C13orf42: variants seen among roughly 807,000 people sequenced by gnomAD.
C13orf42 encodes uncharacterized protein C13orf42.
chr13:51,135,623 A>G (rs1262514074), intron 1 of C13orf42, among the ~76,000 whole-genome samples: 1 of 151,594 alleles, frequency 6.6e-6, no homozygotes, highest in Non-Finnish European at 1.5e-5. Flanking sequence ...ACTGCACTCC[A>G]GCCTGGGCAA....
intron 1 of C13orf42, among the ~76,000 whole-genome samples, chr13:51,109,082 C>T (rs974404679): frequency 2.0e-5 from 3 of 152,232 alleles, no homozygotes; most frequent in African/African-American, 7.2e-5. Flanking sequence ...CCCCTTCTGT[C>T]ATCAGAGGTG....
intron 1 of C13orf42, among the ~76,000 whole-genome samples, chr13:51,134,483 T>C (rs748783017): frequency 1.3e-5 from 2 of 152,232 alleles, no homozygotes; most frequent in Non-Finnish European, 2.9e-5. Flanking sequence ...GTGATCTTCC[T>C]ACAAACTCTA....
chr13:51,116,259 G>A (rs969278476), upstream of C13orf42, among the ~76,000 whole-genome samples: 9 of 152,174 alleles, frequency 5.9e-5, no homozygotes, highest in Non-Finnish European at 1.2e-4. Context: ...TCTGACAATG[G>A]GAGGTAGGGT....
At chr13:51,126,876 A>T (rs981734038) in intron 1 of C13orf42, among the ~76,000 whole-genome samples, 2 of 152,226 alleles carry the variant, frequency 1.3e-5, no homozygotes, top group Non-Finnish European at 2.9e-5. Flanking sequence ...TTAAAAGATG[A>T]GAGAAGGGCC....
upstream of C13orf42, among the ~76,000 whole-genome samples, chr13:51,113,568 G>T (rs201525540): frequency 1.1e-3 from 9 of 7,998 alleles, no homozygotes; most frequent in South Asian, 8.8e-3. Flanking sequence ...AGTGTATTTT[G>T]TGTGTGTGTG....
At chr13:51,124,083 G>A (rs896995054) in intron 1 of C13orf42, among the ~76,000 whole-genome samples, 3 of 152,134 alleles carry the variant, frequency 2.0e-5, no homozygotes, top group Non-Finnish European at 4.4e-5. Flanking sequence ...CTTTTGAGAT[G>A]TCTTTTCCAG....
chr13:51,110,359 G>T (rs771301376), intron 1 of C13orf42, among the ~76,000 whole-genome samples: 1 of 152,082 alleles, frequency 6.6e-6, no homozygotes. Context: ...ATATGGTGCC[G>T]CCTGACACCA....
At chr13:51,156,176 C>G (rs567224264) in intron 1 of C13orf42, among the ~76,000 whole-genome samples, 1 of 152,070 alleles carries the variant, frequency 6.6e-6, no homozygotes, top group African/African-American at 2.4e-5. Flanking sequence ...GCCTAGGATT[C>G]GGGGCTATGT....
At chr13:51,104,858 G>A (rs17075319) in intron 1 of C13orf42, among the ~76,000 whole-genome samples, 4,377 of 151,762 alleles carry the variant, frequency 0.029, 132 homozygotes, top group African/African-American at 0.079. Flanking sequence ...CCAAGGGCTC[G>A]TCATAGCAGG....
intron 1 of C13orf42, among the ~76,000 whole-genome samples, chr13:51,143,146 C>T (rs527964819): frequency 6.6e-6 from 1 of 152,128 alleles, no homozygotes; most frequent in African/African-American, 2.4e-5. Flanking sequence ...GACACCAAGT[C>T]CTGCTAAATC....
At chr13:51,130,005 G>A (rs1310001662) in intron 1 of C13orf42, among the ~76,000 whole-genome samples, 4 of 152,194 alleles carry the variant, frequency 2.6e-5, no homozygotes, top group Admixed American at 1.3e-4. Flanking sequence ...TATGGAATGA[G>A]TCCTTTACCT....
At chr13:51,162,080 C>A (rs1409335133) in intron 1 of C13orf42, 1 of 337,010 alleles carries the variant, frequency 3.0e-6, no homozygotes, top group East Asian at 7.3e-5. Context: ...AACCTTTACA[C>A]CGTATTTTGG....
chr13:51,137,547 T>C (rs1953666658), intron 1 of C13orf42, among the ~76,000 whole-genome samples: 1 of 152,144 alleles, frequency 6.6e-6, no homozygotes, highest in African/African-American at 2.4e-5. Flanking sequence ...TCCCTGCCTC[T>C]CCGTCCTTTT....
chr13:51,124,738 G>A lies in C13orf42; in HGVS notation n.137-11516C>T, dbSNP rs896741198. ...TTTCCAGAGTTTCTTGAAAATTTTC[G>A]CAGCAGTTTCCTGGCAAATGTTAGA... On this transcript the variant is annotated intron_variant and non_coding_transcript_variant, in intron 1 of 4. Transcript: ENST00000433280. Among the ~76,000 whole-genome samples, 9 of 152,126 alleles carry A rather than the reference G, an allele frequency of 5.9e-5. No homozygotes were observed. In the East Asian group the frequency reaches 1.3e-3, roughly 23 times the overall value.
At chr13:51,145,846 T>C (rs1303151124) in intron 1 of C13orf42, among the ~76,000 whole-genome samples, 2 of 152,240 alleles carry the variant, frequency 1.3e-5, no homozygotes, top group Non-Finnish European at 2.9e-5. Flanking sequence ...TAACATATAT[T>C]GATTGACGTC....
intron 1 of C13orf42, among the ~76,000 whole-genome samples, chr13:51,120,906 C>T (rs996226102): frequency 3.3e-5 from 5 of 152,194 alleles, no homozygotes; most frequent in African/African-American, 4.8e-5. Flanking sequence ...CCCAGCTACT[C>T]GAGAGGCTGA....
chr13:51,088,233 A>G (rs1953150467), intron 1 of C13orf42, among the ~76,000 whole-genome samples, 158 bp from the exon 2 acceptor site: 1 of 152,208 alleles, frequency 6.6e-6, no homozygotes, highest in Non-Finnish European at 1.5e-5. Context: ...AGGAAGGTAG[A>G]TACTCCAGGT....
chr13:51,161,901 C>T (rs1953867569), intron 1 of C13orf42: 1 of 493,770 alleles, frequency 2.0e-6, no homozygotes, highest in Non-Finnish European at 4.0e-6. Flanking sequence ...AGGCCTGCAT[C>T]CAAACAGCAG....
chr13:51,169,028 C>G (rs1042336183), intron 1 of C13orf42, among the ~76,000 whole-genome samples: 1 of 152,122 alleles, frequency 6.6e-6, no homozygotes, highest in South Asian at 2.1e-4. Context: ...AACCCAGTTT[C>G]GGGTGGTTCT....
Sources: allele counts gnomAD v4.1 joint callset (sites outside exome capture counted in the v4.1 genomes callset), GRCh38; gene constraint gnomAD v4.1.1; transcripts MANE v1.5; gene names NCBI Gene and HGNC (gene_info 2026-07-23, HGNC 2026-07-21).